Variants in C4orf33 observed in about 807,000 individuals in gnomAD.
The protein encoded by C4orf33 is chromosome 4 open reading frame 33.
C4orf33 carries 20 observed loss-of-function variants against 24.3 expected under a neutral mutation model. That is an observed-to-expected ratio of 0.82 (90% CI 0.58 to 1.19). The LOEUF (loss-of-function observed/expected upper bound fraction) is 1.19. C4orf33 is among the 50% of genes most tolerant of loss of function. The pLI is 0.00. For synonymous variants in C4orf33, 67 were observed against 76.4 expected (o/e 0.88, Z 0.64); for missense variants, 207 against 225.9 (o/e 0.92, Z 0.54).
At chr4:129,094,307 T>A (rs572597256), upstream of C4orf33, among the ~76,000 whole-genome samples, 40 of 139,500 alleles carry the variant, frequency 2.9e-4, no homozygotes, top group African/African-American at 7.0e-4. Context: ...ACGTATTTTT[T>A]TAAAAAAAAT....
At chr4:129,111,069 A>G (rs1753681797) in intron 5 of C4orf33, among the ~76,000 whole-genome samples, 2 of 152,182 alleles carry the variant, frequency 1.3e-5, no homozygotes, top group African/African-American at 4.8e-5. Flanking sequence ...TGGAAGTACG[A>G]TTATACATTG....
chr4:129,098,497 T>C (rs1304998682), intron 1 of C4orf33, among the ~76,000 whole-genome samples: 1 of 152,234 alleles, frequency 6.6e-6, no homozygotes, highest in Admixed American at 6.5e-5. Context: ...TTTGCTATAT[T>C]TATGTAGTAA....
At chr4:129,100,228 C>T (rs1753312964) in intron 1 of C4orf33, among the ~76,000 whole-genome samples, 1 of 152,130 alleles carries the variant, frequency 6.6e-6, no homozygotes, top group Non-Finnish European at 1.5e-5. Flanking sequence ...TAATTTGAAA[C>T]CTATGCAAGC....
At chr4:129,095,397 G>C (rs886977459), upstream of C4orf33, among the ~76,000 whole-genome samples, 3 of 152,094 alleles carry the variant, frequency 2.0e-5, no homozygotes, top group African/African-American at 7.2e-5. Context: ...ACACAGAGTT[G>C]ATTAAATATC....
In C4orf33 at chr4:129,112,323, C is replaced by T. The variant is rs554212043; in HGVS notation, c.*532C>T. 2 of 152,302 alleles carry T rather than the reference C, an allele frequency of 1.3e-5. No individual in the cohort carries two copies. The highest frequency in any genetic ancestry group is 2.1e-4 in the South Asian group (1 of 4,830). The allele number at this position is 152,302 out of a possible 1,614,324, so 9.4% of individuals were successfully genotyped here. A position where few individuals can be genotyped will look rare whatever the true frequency, so the allele number is the denominator to read the frequency against. ...AAAGGACTGCTGATACATGCAACAA[C>T]CTGTATGAATCTCAAAAACATTAAG... On this transcript the variant is annotated 3_prime_UTR_variant, in exon 6 of 6. Transcript: ENST00000425929.
upstream of C4orf33, among the ~76,000 whole-genome samples, chr4:129,095,201 A>G (rs1048681210): frequency 1.3e-5 from 2 of 152,168 alleles, no homozygotes; most frequent in African/African-American, 4.8e-5. Context: ...ATCATTAGGA[A>G]ACAAAATTGT....
At chr4:129,107,632 T>C (rs1344211101) in intron 3 of C4orf33, among the ~76,000 whole-genome samples, 2 of 152,044 alleles carry the variant, frequency 1.3e-5, no homozygotes, top group African/African-American at 4.8e-5. Flanking sequence ...TACCTTTGTG[T>C]GTTACATTTC....
Position 129,114,716 on chromosome 4 carries a change from C to T in C4orf33, c.*2925C>T, listed in dbSNP as rs1753747257. The T allele has an allele frequency of 6.6e-6, 1 of 152,130 alleles. No individual in the cohort carries two copies. Among genetic ancestry groups the T allele is most frequent in the African/African-American group, 2.4e-5 (1 of 41,406 alleles). The allele number at this position is 152,130 out of a possible 1,614,324, so 9.4% of individuals were successfully genotyped here. On this transcript the variant is annotated 3_prime_UTR_variant, in exon 6 of 6. Coordinates refer to ENST00000425929, the MANE Select transcript of C4orf33 (RefSeq NM_001099783.2). ...AGTTATTAAAACAGTGGTAGACTGG[C>T]TTGAGGTGCAGCTGAGGCACCTGAA...
rs1221748781 is a variant in C4orf33, at chr4:129,102,631, C to T, written c.21C>T (p.His7=). ...TTCAGATGGATTTTAAAATTGAACA[C>T]ACTTGGGATGGTTTTCCAGTGAAGC... MDFKIE[H]TWDGFPVKHE... is the part of the protein sequence containing the mutation. Residue 7 remains histidine (H), a synonymous_variant, in exon 2 of 6, where the codon CAC becomes CAT. Coordinates refer to ENST00000425929, the MANE Select transcript of C4orf33 (RefSeq NM_001099783.2). The T allele has an allele frequency of 6.2e-7, 1 of 1,612,332 alleles. No individual in the cohort carries two copies. Among genetic ancestry groups the T allele is most frequent in the Non-Finnish European group, 8.5e-7 (1 of 1,179,248 alleles).
intron 5 of C4orf33, among the ~76,000 whole-genome samples, chr4:129,110,582 A>T (rs1232665722): frequency 2.0e-5 from 3 of 152,148 alleles, no homozygotes; most frequent in Admixed American, 2.0e-4. Context: ...GGAAGAACCT[A>T]ACAGAAACAT....
At chr4:129,098,192 C>T (rs1753255582) in intron 1 of C4orf33, among the ~76,000 whole-genome samples, 1 of 151,736 alleles carries the variant, frequency 6.6e-6, no homozygotes, top group Non-Finnish European at 1.5e-5. Context: ...ATTTTAGATC[C>T]AGGGTATATA....
chr4:129,109,731 C>T (rs1166603940), intron 5 of C4orf33, 59 bp downstream of exon 5: 9 of 1,362,710 alleles, frequency 6.6e-6, no homozygotes, highest in Non-Finnish European at 1.0e-6. Flanking sequence ...GAAATTAATT[C>T]TTAGTGGAGC....
intron 5 of C4orf33, chr4:129,109,878 C>A: frequency 1.0e-6 from 1 of 1,001,694 alleles, no homozygotes; most frequent in Non-Finnish European, 1.4e-6. Flanking sequence ...GTCAGTAGAG[C>A]ACTTATTTTT....
At chr4:129,097,983 G>A (rs906931936) in intron 1 of C4orf33, among the ~76,000 whole-genome samples, 1 of 152,232 alleles carries the variant, frequency 6.6e-6, no homozygotes, top group South Asian at 2.1e-4. Context: ...CTGTTGGAGT[G>A]TTGGTCTTTT....
In C4orf33 at chr4:129,107,018, G is replaced by A. The variant is rs558110725; in HGVS notation, c.242+371G>A. 2.6e-5 allele frequency among the ~76,000 whole-genome samples: 4 copies of A among 151,986 alleles called. No individual in the cohort carries two copies. The South Asian group carries it at 8.3e-4, about 32-fold the overall frequency. Reference sequence around the variant, plus strand: ...TAATATAGCTGTTCGGAAATAAAAGGAGAGATATGGGTATAATTAATTGAG... The same window carrying A: ...TAATATAGCTGTTCGGAAATAAAAGAAGAGATATGGGTATAATTAATTGAG... On this transcript the variant is annotated intron_variant, in intron 3 of 5. Coordinates refer to ENST00000425929, the MANE Select transcript of C4orf33 (RefSeq NM_001099783.2).
Position 129,112,689 on chromosome 4 carries a change from CATTGAGTTTAT to C in C4orf33, c.*901_*911del, listed in dbSNP as rs1294913787. The C allele has an allele frequency of 6.6e-6, 1 of 151,996 alleles. No homozygotes were observed. Among genetic ancestry groups the C allele is most frequent in the African/African-American group, 2.4e-5 (1 of 41,424 alleles). 9.4% of individuals were successfully genotyped at this position (151,996 alleles called of 1,614,324 possible). On this transcript the variant is annotated 3_prime_UTR_variant, in exon 6 of 6. Coordinates refer to ENST00000425929, the MANE Select transcript of C4orf33 (RefSeq NM_001099783.2). ...TTAAATGGAATTAACTTCAAGTTTA[CATTGAGTTTAT>C]ATGTTTCCATTGAACAATCACTAGT...
intron 1 of C4orf33, among the ~76,000 whole-genome samples, chr4:129,101,552 A>G (rs539878371): frequency 1.3e-5 from 2 of 152,214 alleles, no homozygotes; most frequent in Admixed American, 6.5e-5. Context: ...CTGGGAAAAC[A>G]TTGTTGACAT....
In C4orf33 at chr4:129,109,858, T is replaced by C; in HGVS notation, c.494+186T>C. On this transcript the variant is annotated intron_variant, in intron 5 of 5. Coordinates refer to ENST00000425929, the MANE Select transcript of C4orf33 (RefSeq NM_001099783.2). ...GAAAACTTTGGACTGTCATAATCTC[T>C]CTCACTACTGTCAGTAGAGCACTTA... 5.2e-6 allele frequency: 5 copies of C among 953,948 alleles called. No homozygotes were observed. In the South Asian group the frequency reaches 9.6e-5, roughly 18 times the overall value. The allele number at this position is 953,948 out of a possible 1,614,324, so 59.1% of individuals were successfully genotyped here.
Position 129,115,252 on chromosome 4 carries a change from G to A in C4orf33, c.*3461G>A, listed in dbSNP as rs1375121355. ...GTGGCTCTGAGTGCTGCAAGGAGTG[G>A]ACTGTATTTAATATCTCTTGTGTCC... On this transcript the variant is annotated 3_prime_UTR_variant, in exon 6 of 6. Coordinates refer to ENST00000425929, the MANE Select transcript of C4orf33 (RefSeq NM_001099783.2). 1.3e-5 allele frequency: 2 copies of A among 152,144 alleles called. No individual in the cohort carries two copies. The highest frequency in any genetic ancestry group is 4.8e-5 in the African/African-American group (2 of 41,440). The allele number at this position is 152,144 out of a possible 1,614,324, so 9.4% of individuals were successfully genotyped here. A position where few individuals can be genotyped will look rare whatever the true frequency, so the allele number is the denominator to read the frequency against.
Sources: allele counts gnomAD v4.1 joint callset (sites outside exome capture counted in the v4.1 genomes callset), GRCh38; gene constraint gnomAD v4.1.1; transcripts MANE v1.5; gene names NCBI Gene and HGNC (gene_info 2026-07-23, HGNC 2026-07-21).